Variants in TCF12 observed in about 807,000 individuals in gnomAD.
The protein encoded by TCF12 is transcription factor 12, also known as DNA-binding protein HTF4.
TCF12 carries 45 observed loss-of-function variants against 86.0 expected under a neutral mutation model. The observed-to-expected ratio is 0.52, with a 90% CI of 0.41 to 0.67. The LOEUF (loss-of-function observed/expected upper bound fraction) is 0.67. TCF12 is among the 30% of genes least tolerant of loss of function. The pLI is 0.00. For synonymous variants in TCF12, 330 were observed against 299.6 expected, an observed-to-expected ratio of 1.10 and a Z score of -1.05; for missense variants, 881 against 859.9, an observed-to-expected ratio of 1.02 and a Z score of -0.31.
At chr15:56,958,144 A>C (rs1333951027) in intron 3 of TCF12, among the ~76,000 whole-genome samples, 1 of 152,110 alleles carries the variant, frequency 6.6e-6, no homozygotes, top group African/African-American at 2.4e-5. Flanking sequence ...TTTTTGCAGG[A>C]GTTTTTACCT....
At chr15:57,176,855 C>G (rs1245370864) in intron 6 of TCF12, among the ~76,000 whole-genome samples, 1 of 152,108 alleles carries the variant, frequency 6.6e-6, no homozygotes, top group Non-Finnish European at 1.5e-5. Flanking sequence ...GAGGTTATGT[C>G]AAAGAGTTGA....
At position 56,921,124 on chromosome 15, in the gene TCF12, C is replaced by T. The variant is rs754093016; in HGVS notation, c.148+26C>T. 1.5e-5 allele frequency: 24 copies of T among 1,560,722 alleles called. No individual in the cohort carries two copies. The South Asian group carries it at 2.8e-4, about 18-fold the overall frequency. On this transcript the variant is annotated intron_variant, in intron 3 of 20. Coordinates refer to ENST00000333725, the MANE Select transcript of TCF12 (RefSeq NM_207037.2). ...GTAAGATGATGTCTTAAACTAAAGA[C>T]TCATATTTTGGTGGTGTGATACATT...
intron 6 of TCF12, among the ~76,000 whole-genome samples, chr15:57,177,409 A>G (rs1308743857): frequency 6.6e-6 from 1 of 151,278 alleles, no homozygotes; most frequent in African/African-American, 2.4e-5. Flanking sequence ...AGCTCGGATT[A>G]CAGGTGCCCC....
intron 5 of TCF12, among the ~76,000 whole-genome samples, chr15:57,123,968 C>CAAAAAAAAAAA (rs71113066): frequency 6.3e-4 from 51 of 81,034 alleles, no homozygotes; most frequent in Admixed American, 1.0e-3. Flanking sequence ...GACTCCGTCT[C>CAAAAAAAAAAA]AAAAAAAAAA....
chr15:57,080,489 T>G (rs1596440851), intron 4 of TCF12, among the ~76,000 whole-genome samples: 3 of 152,146 alleles, frequency 2.0e-5, no homozygotes, highest in Admixed American at 2.0e-4. Flanking sequence ...AAGGGGATAA[T>G]AGGTCTGTCT....
At chr15:57,031,380 TG>T (rs11385466) in intron 3 of TCF12, among the ~76,000 whole-genome samples, 4 of 151,890 alleles carry the variant, frequency 2.6e-5, no homozygotes, top group Admixed American at 1.3e-4. Context: ...GCTTGAGGTT[TG>T]GGGGGTCAGA....
intron 3 of TCF12, among the ~76,000 whole-genome samples, chr15:57,040,855 T>C (rs1460247080): frequency 1.3e-5 from 2 of 152,230 alleles, no homozygotes; most frequent in Admixed American, 1.3e-4. Context: ...TGTGATTATA[T>C]AGTTGGGTGT....
Position 57,223,643 on chromosome 15 carries a change from G to GTTTTT in TCF12, c.580-7485_580-7481dup, listed in dbSNP as rs550493641. 1.6e-4 allele frequency among the ~76,000 whole-genome samples: 11 copies of GTTTTT among 69,690 alleles called. 2 individuals carry two copies. The highest frequency in any genetic ancestry group is 1.0e-3 in the East Asian group (2 of 1,992). The allele number at this position is 69,690 out of a possible 152,430, so 45.7% of individuals were successfully genotyped here. ...GTTTTGGCACCTGCCTACCAATGAG[G>GTTTTT]TTTTTTTTTTTTTTTTTTTTTTTTT... On this transcript the variant is annotated intron_variant, in intron 8 of 20. Transcript: ENST00000333725.
chr15:57,139,444 G>A (rs1362147281), intron 5 of TCF12, among the ~76,000 whole-genome samples: 1 of 152,078 alleles, frequency 6.6e-6, no homozygotes, highest in East Asian at 1.9e-4. Flanking sequence ...GGGTGTTAGC[G>A]GTGATTATGA....
Position 56,950,882 on chromosome 15 carries a change from G to A in TCF12, c.148+29784G>A, listed in dbSNP as rs145076677. ...AGCGATTCTCGTGCCTCAGCCTCCC[G>A]AGTAGCTGGGATTATAGGCATGTAC... is the stretch of plus-strand genomic sequence containing the variant. On this transcript the variant is annotated intron_variant, in intron 3 of 20. Transcript: ENST00000333725. 6.2e-3 allele frequency among the ~76,000 whole-genome samples: 931 copies of A among 149,980 alleles called. 9 individuals are homozygous for A. Among genetic ancestry groups the A allele is most frequent in the African/African-American group, 0.022 (882 of 40,792 alleles).
chr15:57,202,983 A>T (rs777506434), intron 8 of TCF12, among the ~76,000 whole-genome samples: 4 of 152,212 alleles, frequency 2.6e-5, no homozygotes, highest in Non-Finnish European at 5.9e-5. Flanking sequence ...AATTTTGATG[A>T]AAAGCAAACA....
intron 3 of TCF12, among the ~76,000 whole-genome samples, chr15:56,940,565 T>A (rs984566934): frequency 2.8e-5 from 4 of 145,058 alleles, no homozygotes; most frequent in Non-Finnish European, 4.5e-5. Flanking sequence ...TTCCTCTTCC[T>A]CTTCTTCTTC....
At chr15:57,067,316 G>A (rs1214781012) in intron 4 of TCF12, among the ~76,000 whole-genome samples, 4 of 151,860 alleles carry the variant, frequency 2.6e-5, no homozygotes, top group South Asian at 2.1e-4. Flanking sequence ...CGAGGCGGGC[G>A]GATCACGAGG....
At position 57,271,088 on chromosome 15, in the gene TCF12, C is replaced by T. The variant is rs1057079821; in HGVS notation, c.1746-1942C>T. 2.6e-5 allele frequency among the ~76,000 whole-genome samples: 4 copies of T among 152,216 alleles called. No individual in the cohort carries two copies. The South Asian group carries it at 8.3e-4, about 31-fold the overall frequency. ...CTCGAATGCCATGCTGGGAGAACCA[C>T]TGTTCTCTTCAGGGCTGTCAGGCAG... On this transcript the variant is annotated intron_variant, in intron 18 of 20. Transcript: ENST00000333725.
intron 4 of TCF12, among the ~76,000 whole-genome samples, chr15:57,087,378 C>A (rs1384524829): frequency 2.7e-5 from 4 of 147,434 alleles, no homozygotes; most frequent in Non-Finnish European, 4.5e-5. Flanking sequence ...TGCCACTGCA[C>A]TCCAGCCTGA....
chr15:56,993,570 A>G (rs908853538), intron 3 of TCF12, among the ~76,000 whole-genome samples: 2 of 152,330 alleles, frequency 1.3e-5, no homozygotes, highest in African/African-American at 2.4e-5. Context: ...AAGCAATACC[A>G]TAAAGTTCTT....
chr15:57,083,228 T>G (rs2048423278), intron 4 of TCF12, among the ~76,000 whole-genome samples: 1 of 152,194 alleles, frequency 6.6e-6, no homozygotes, highest in Non-Finnish European at 1.5e-5. Context: ...ATGTTCTATT[T>G]GTTGAGTTGT....
chr15:56,999,066 C>T (rs867651562), intron 3 of TCF12, among the ~76,000 whole-genome samples: 1 of 151,908 alleles, frequency 6.6e-6, no homozygotes, highest in South Asian at 2.1e-4. Flanking sequence ...GGCGTGGTGG[C>T]GGGCGCCTGT....
chr15:57,125,876 C>A (rs1292449894), intron 5 of TCF12, among the ~76,000 whole-genome samples: 6 of 152,112 alleles, frequency 3.9e-5, no homozygotes, highest in African/African-American at 1.4e-4. Context: ...ACTAGTAACT[C>A]CAGTGAATAT....
Sources: allele counts gnomAD v4.1 joint callset (sites outside exome capture counted in the v4.1 genomes callset), GRCh38; gene constraint gnomAD v4.1.1; transcripts MANE v1.5; gene names NCBI Gene and HGNC (gene_info 2026-07-23, HGNC 2026-07-21).